Variants in PACS2 observed in about 807,000 individuals in gnomAD.
PACS2 encodes phosphofurin acidic cluster sorting protein 2, also known as PACS1-like protein.
Under a neutral mutation model 113.0 loss-of-function variants are expected in PACS2, and 36 were observed. The ratio of observed to expected loss-of-function variants is 0.32; its 90% CI spans 0.24 to 0.42. The LOEUF is 0.42. Among genes scored for constraint, PACS2 ranks in the 10% least tolerant of loss-of-function variants. The pLI is 1.00. For synonymous variants in PACS2, 589 were observed against 536.1 expected (o/e 1.10, Z -1.36); for missense variants, 1,015 against 1,239.5 (o/e 0.82, Z 2.72).
intron 3 of PACS2, among the ~76,000 whole-genome samples, chr14:105,353,215 T>C (rs587678354): frequency 2.0e-4 from 16 of 80,268 alleles, no homozygotes; most frequent in African/African-American, 4.6e-4. Context: ...CCTGGGGTGA[T>C]GGGCACCCCC....
At position 105,340,403 on chromosome 14, in the gene PACS2, A is replaced by G. The variant is rs2059679960; in HGVS notation, c.120-8090A>G. On this transcript the variant is annotated intron_variant, in intron 1 of 24. Transcript: ENST00000447393. The surrounding 1 kb of genome is among the most constrained non-coding windows in gnomAD (Gnocchi z 4.2). ...GGATGGATTAAAGCAGTGGTCCCCA[A>G]CCTTTTTGCCGCCAGGGACCGGTTT... Among the ~76,000 whole-genome samples the G allele has an allele frequency of 6.6e-6, 1 of 152,200 alleles. No homozygotes were observed. The highest frequency in any genetic ancestry group is 1.5e-5 in the Non-Finnish European group (1 of 68,026).
intron 1 of PACS2, among the ~76,000 whole-genome samples, chr14:105,346,532 TC>T (rs1324659354): frequency 2.2e-5 from 1 of 46,412 alleles, no homozygotes; most frequent in African/African-American, 9.4e-5. Context: ...CCGCACAACT[TC>T]CCCCCCACCC....
At chr14:105,393,535 C>G in intron 24 of PACS2, 200 bp downstream of exon 24, 2 of 476,906 alleles carry the variant, frequency 4.2e-6, no homozygotes, top group Middle Eastern at 5.3e-4. Context: ...TTTTTCAACC[C>G]TTTTTGCTTT....
chr14:105,359,247 G>A (rs1164099602), intron 4 of PACS2, among the ~76,000 whole-genome samples: 2 of 151,618 alleles, frequency 1.3e-5, no homozygotes, highest in Non-Finnish European at 1.5e-5. Flanking sequence ...GCCATCGTCA[G>A]TGCCCTATTC....
In PACS2 at chr14:105,369,787, C is replaced by T. The variant is rs982847409; in HGVS notation, c.742-54C>T. On this transcript the variant is annotated intron_variant, in intron 7 of 24. Transcript: ENST00000447393. ...CCTGGGCCTGAGGAAGGGGCTCCAG[C>T]GGCGGGTCTGCAGCTCTGGCGGCGG... 1.2e-5 allele frequency: 17 copies of T among 1,443,356 alleles called. No individual in the cohort carries two copies. The Middle Eastern group carries it at 5.2e-4, about 44-fold the overall frequency. 89.4% of individuals were successfully genotyped at this position (1,443,356 alleles called of 1,614,324 possible).
intron 12 of PACS2, 101 bp downstream of exon 12, chr14:105,381,200 T>C (rs2080981890): frequency 9.9e-7 from 1 of 1,010,936 alleles, no homozygotes; most frequent in Non-Finnish European, 1.5e-6. Flanking sequence ...TCCATCCTGA[T>C]GAGCTCCCTC....
At chr14:105,383,610 CG>C in intron 16 of PACS2, 97 bp downstream of exon 16, 1 of 1,202,560 alleles carries the variant, frequency 8.3e-7, no homozygotes, top group Non-Finnish European at 1.1e-6. Flanking sequence ...TGTTGTGTGG[CG>C]TGGCGTGGCG....
chr14:105,308,481 C>A (rs994897858), intron 1 of PACS2, among the ~76,000 whole-genome samples: 1 of 124,590 alleles, frequency 8.0e-6, no homozygotes, highest in Admixed American at 8.0e-5. Context: ...CAGATTCTGT[C>A]TTTTTTTTTT....
Position 105,379,762 on chromosome 14 carries a change from A to G in PACS2, c.983A>G (p.His328Arg), listed in dbSNP as rs782062290. Residue 328 changes from histidine to arginine, a missense_variant, in exon 10 of 25, where the codon CAC becomes CGC. By Grantham distance (29) the His-to-Arg change is conservative (BLOSUM62 0). Coordinates refer to ENST00000447393, the MANE Select transcript of PACS2 (RefSeq NM_001100913.3). ...KLRPYFEGLSHSSSQTEIGSI... is the reference protein window; with the variant it reads ...KLRPYFEGLSRSSSQTEIGSI... ...AGGCCATACTTTGAAGGCCTGTCGC[A>G]CTCGAGCTCGCAGACGGAGATTGGG... The G allele has an allele frequency of 6.2e-7, 1 of 1,613,636 alleles. No homozygotes were observed. Among genetic ancestry groups the G allele is most frequent in the Admixed American group, 1.7e-5 (1 of 60,004 alleles).
At chr14:105,394,032 C>T (rs1448455023) in intron 24 of PACS2, among the ~76,000 whole-genome samples, 18 of 139,864 alleles carry the variant, frequency 1.3e-4, no homozygotes, top group African/African-American at 2.9e-4. Flanking sequence ...AGCAAGACTC[C>T]GCCTCAAAAA....
upstream of PACS2, among the ~76,000 whole-genome samples, chr14:105,314,159 G>A (rs2058440840): frequency 6.6e-6 from 1 of 152,148 alleles, no homozygotes; most frequent in Non-Finnish European, 1.5e-5. Context: ...CCACCTCCCT[G>A]CGTCCCGGGG....
Position 105,330,981 on chromosome 14 carries a change from A to C in PACS2, c.119+15944A>C, listed in dbSNP as rs1695546180. Among the ~76,000 whole-genome samples the C allele has an allele frequency of 6.6e-6, 1 of 150,510 alleles. No homozygotes were observed. The highest frequency in any genetic ancestry group is 6.6e-5 in the Admixed American group (1 of 15,150). On this transcript the variant is annotated intron_variant, in intron 1 of 24. Coordinates refer to ENST00000447393, the MANE Select transcript of PACS2 (RefSeq NM_001100913.3). The surrounding 1 kb of genome is among the most constrained non-coding windows in gnomAD (Gnocchi z 6.9). Reference sequence around the variant, plus strand: ...TTGGCATTTTTTTTTTTTTTGAGACAGAGTCATCCTGTTGCCCAGGCTGGA... The same window carrying C: ...TTGGCATTTTTTTTTTTTTTGAGACCGAGTCATCCTGTTGCCCAGGCTGGA...
intron 2 of PACS2, among the ~76,000 whole-genome samples, chr14:105,350,039 G>A (rs983371426): frequency 6.7e-6 from 1 of 149,100 alleles, no homozygotes; most frequent in Admixed American, 6.6e-5. Context: ...GTGGCTAATA[G>A]CAGGACCCCA....
Position 105,340,344 on chromosome 14 carries a change from T to G in PACS2, c.120-8149T>G, listed in dbSNP as rs1486212033. ...AACTCCAAATGGATGGATAATCTCA[T>G]TGTGAAAAAGAGGAAGGAACAAATG... is the stretch of plus-strand genomic sequence containing the variant. On this transcript the variant is annotated intron_variant, in intron 1 of 24. Coordinates refer to ENST00000447393, the MANE Select transcript of PACS2 (RefSeq NM_001100913.3). The surrounding 1 kb of genome is among the most constrained non-coding windows in gnomAD (Gnocchi z 4.2). 6.6e-6 allele frequency among the ~76,000 whole-genome samples: 1 copy of G among 152,096 alleles called. No individual in the cohort carries two copies. Among genetic ancestry groups the G allele is most frequent in the Non-Finnish European group, 1.5e-5 (1 of 68,022 alleles).
chr14:105,361,801 T>G lies in PACS2; in HGVS notation c.424-5412T>G, dbSNP rs2060693354. Among the ~76,000 whole-genome samples the G allele has an allele frequency of 2.0e-5, 3 of 152,002 alleles. 1 individual carries two copies. In the South Asian group the frequency reaches 6.2e-4, roughly 32 times the overall value. Reference sequence around the variant, plus strand: ...CCCGTCTCTACTAAAAATACAAAATTAGCTGGGTGTGGTGGCACATGCCTG... The same window carrying G: ...CCCGTCTCTACTAAAAATACAAAATGAGCTGGGTGTGGTGGCACATGCCTG... On this transcript the variant is annotated intron_variant, in intron 4 of 24. Coordinates refer to ENST00000447393, the MANE Select transcript of PACS2 (RefSeq NM_001100913.3).
rs139912288 is a variant in PACS2 at position 105,362,270 on chromosome 14, T to A, written c.424-4943T>A. On this transcript the variant is annotated intron_variant, in intron 4 of 24. Coordinates refer to ENST00000447393, the MANE Select transcript of PACS2 (RefSeq NM_001100913.3). ...CGTCTCTACTGAAAATATAAAAAAT[T>A]AGCTGGGCGTGGTGGCGGGCGCCTG... 3.6e-3 allele frequency among the ~76,000 whole-genome samples: 534 copies of A among 150,374 alleles called. 6 individuals carry two copies. The highest frequency in any genetic ancestry group is 0.012 in the African/African-American group (496 of 40,460).
In PACS2 at chr14:105,348,904, C is replaced by T. The variant is rs1555403237; in HGVS notation, c.207+324C>T. On this transcript the variant is annotated intron_variant, in intron 2 of 24. Coordinates refer to ENST00000447393, the MANE Select transcript of PACS2 (RefSeq NM_001100913.3). The surrounding 1 kb of genome is among the most constrained non-coding windows in gnomAD (Gnocchi z 6.4). ...GCCAGGGCTTCCCTGCTGCACTCAG[C>T]ACCCACTTCCTGCCCACTTTTTGTG... is the stretch of plus-strand genomic sequence containing the variant. 6.6e-6 allele frequency among the ~76,000 whole-genome samples: 1 copy of T among 152,224 alleles called. No individual in the cohort carries two copies. The highest frequency in any genetic ancestry group is 2.4e-5 in the African/African-American group (1 of 41,458).
In PACS2 at chr14:105,355,029, G is replaced by A; in HGVS notation, c.298-23G>A. 1 of 1,610,034 alleles carries A rather than the reference G, an allele frequency of 6.2e-7. No homozygotes were observed. The highest frequency in any genetic ancestry group is 8.5e-7 in the Non-Finnish European group (1 of 1,178,370). On this transcript the variant is annotated intron_variant, in intron 3 of 24. Transcript: ENST00000447393. The surrounding 1 kb of genome is among the most constrained non-coding windows in gnomAD (Gnocchi z 4.1). ...CTGGGGCCCCGGTGCACCCTCAGCT[G>A]CCACTCGCACTTGTGCCCACAGTAT...
rs112108019 is a variant in PACS2 at position 105,350,500 on chromosome 14, G to T, written c.208-1878G>T. On this transcript the variant is annotated intron_variant, in intron 2 of 24. Coordinates refer to ENST00000447393, the MANE Select transcript of PACS2 (RefSeq NM_001100913.3). ...CACCTCTCCAGCCCCTCTGTGTAGC[G>T]CATGGACTGGCTGCCCATGCCCTCC... Among the ~76,000 whole-genome samples the T allele has an allele frequency of 1.3e-3, 204 of 152,124 alleles. 3 individuals carry two copies. Among genetic ancestry groups the T allele is most frequent in the African/African-American group, 4.9e-3 (202 of 41,512 alleles).
Sources: allele counts gnomAD v4.1 joint callset (sites outside exome capture counted in the v4.1 genomes callset), GRCh38; gene constraint gnomAD v4.1.1; non-coding constraint Gnocchi (gnomAD v3.1); transcripts MANE v1.5; gene names NCBI Gene and HGNC (gene_info 2026-07-23, HGNC 2026-07-21).